Variants in RTN1 observed in about 807,000 individuals in gnomAD.
The protein encoded by RTN1 is reticulon-1.
Under a neutral mutation model 65.5 loss-of-function variants are expected in RTN1, and 25 were observed. The observed-to-expected ratio is 0.38, with a 90% CI of 0.28 to 0.53. The LOEUF is 0.53. Ranked by LOEUF, RTN1 falls within the 20% of genes least tolerant of loss-of-function variation. RTN1 has a pLI of 0.79. For missense variants in RTN1, 983 were observed against 1,025.4 expected (o/e 0.96, Z 0.57); for synonymous variants, 471 against 447.6 (o/e 1.05, Z -0.66).
chr14:59,799,339 CT>C (rs1185690208), intron 1 of RTN1, among the ~76,000 whole-genome samples: 2 of 152,264 alleles, frequency 1.3e-5, no homozygotes, highest in Non-Finnish European at 2.9e-5. Context: ...AAGTGGAAAG[CT>C]TCAGGAGAAC....
intron 3 of RTN1, among the ~76,000 whole-genome samples, chr14:59,663,646 A>ACAATC (rs1555354197): frequency 2.0e-5 from 3 of 151,520 alleles, no homozygotes; most frequent in African/African-American, 7.3e-5. Flanking sequence ...GAAAAAAAAA[A>ACAATC]CCATCAAAAA....
At chr14:59,732,428 T>C (rs986468776) in intron 2 of RTN1, among the ~76,000 whole-genome samples, 2 of 152,132 alleles carry the variant, frequency 1.3e-5, no homozygotes, top group Non-Finnish European at 2.9e-5. Context: ...CCCACTGGGA[T>C]TGATTGGGGA....
intron 3 of RTN1, among the ~76,000 whole-genome samples, chr14:59,703,962 A>G (rs1210535407): frequency 6.6e-6 from 1 of 152,214 alleles, no homozygotes; most frequent in Non-Finnish European, 1.5e-5. Context: ...TCCTGGAAAA[A>G]CAAAGGTGAT....
intron 3 of RTN1, among the ~76,000 whole-genome samples, chr14:59,674,486 C>T (rs148337101): frequency 7.2e-5 from 11 of 152,282 alleles, no homozygotes; most frequent in African/African-American, 1.2e-4. Context: ...TTAAGAAGCA[C>T]GGAGTTGGAG....
chr14:59,626,269 G>A (rs567682825), intron 3 of RTN1, among the ~76,000 whole-genome samples: 127 of 152,194 alleles, frequency 8.3e-4, no homozygotes, highest in Non-Finnish European at 1.5e-3. Flanking sequence ...GTGTTTCCAC[G>A]AACACTGTAG....
At chr14:59,750,091 AT>A (rs1885420058) in intron 1 of RTN1, among the ~76,000 whole-genome samples, 1 of 57,908 alleles carries the variant, frequency 1.7e-5, no homozygotes, top group African/African-American at 1.1e-4. Context: ...ATAGACATAT[AT>A]ATTATATATT....
At chr14:59,716,520 G>A (rs1281102700) in intron 3 of RTN1, among the ~76,000 whole-genome samples, 1 of 152,158 alleles carries the variant, frequency 6.6e-6, no homozygotes, top group African/African-American at 2.4e-5. Flanking sequence ...CTCTGTCTTT[G>A]TGCTTGTTTC....
chr14:59,684,452 G>T (rs890601286), intron 3 of RTN1, among the ~76,000 whole-genome samples: 4 of 151,908 alleles, frequency 2.6e-5, no homozygotes, highest in Non-Finnish European at 5.9e-5. Flanking sequence ...GTATTATCAT[G>T]ACTTAGATAT....
At chr14:59,785,750 T>C (rs1886239085) in intron 1 of RTN1, among the ~76,000 whole-genome samples, 1 of 152,174 alleles carries the variant, frequency 6.6e-6, no homozygotes, top group Non-Finnish European at 1.5e-5. Flanking sequence ...TGGAATTATA[T>C]TTCCCCAGAG....
chr14:59,607,237 TA>T, intron 4 of RTN1, 47 bp downstream of exon 4: 1 of 1,551,350 alleles, frequency 6.4e-7, no homozygotes, highest in Non-Finnish European at 8.9e-7. Flanking sequence ...CAGGTGAGGG[TA>T]AAAGCCCCTG....
intron 1 of RTN1, among the ~76,000 whole-genome samples, chr14:59,777,336 C>T (rs539219029): frequency 1.8e-4 from 28 of 152,058 alleles, no homozygotes; most frequent in South Asian, 2.1e-4. Flanking sequence ...GACTTTGTAC[C>T]CCTCAACACT....
intron 3 of RTN1, chr14:59,630,472 C>A: frequency 6.2e-7 from 1 of 1,613,930 alleles, no homozygotes; most frequent in South Asian, 1.1e-5. Context: ...GCTCCACACA[C>A]AGTCCATCTT....
intron 1 of RTN1, among the ~76,000 whole-genome samples, chr14:59,753,911 T>TA (rs1331414273): frequency 2.0e-5 from 3 of 152,186 alleles, no homozygotes; most frequent in Non-Finnish European, 2.9e-5. Context: ...TCCACAGCTG[T>TA]TTCCTGGACC....
rs76564515 is a variant in RTN1, at chr14:59,842,135, T to A, written c.241+28255A>T. 3.4e-3 allele frequency among the ~76,000 whole-genome samples: 512 copies of A among 149,910 alleles called. 19 individuals are homozygous for A. In the East Asian group the frequency reaches 0.059, roughly 17 times the overall value. ...AGCAAGACTCCATTCTTGAAAAAAA[T>A]TTTAAAAAAGAAAAAAAAAAAAGAA... On this transcript the variant is annotated intron_variant, in intron 1 of 8. Coordinates refer to ENST00000267484, the MANE Select transcript of RTN1 (RefSeq NM_021136.3).
chr14:59,604,040 C>A, intron 5 of RTN1, 119 bp from the exon 6 acceptor site: 2 of 646,208 alleles, frequency 3.1e-6, no homozygotes, highest in Admixed American at 2.3e-5. Context: ...TTTCGATAGT[C>A]AATGAAAGGC....
intron 2 of RTN1, among the ~76,000 whole-genome samples, chr14:59,728,370 T>C (rs755316555): frequency 4.6e-5 from 7 of 150,594 alleles, no homozygotes; most frequent in Non-Finnish European, 8.9e-5. Context: ...AGGCTTTCCA[T>C]AGTGGCAGCC....
intron 3 of RTN1, among the ~76,000 whole-genome samples, chr14:59,711,403 T>C (rs1302536896): frequency 6.6e-6 from 1 of 152,244 alleles, no homozygotes; most frequent in East Asian, 1.9e-4. Flanking sequence ...GAGAGATAAA[T>C]GCTCTTCGTG....
chr14:59,749,620 G>T (rs1223447989), intron 1 of RTN1, among the ~76,000 whole-genome samples: 85 of 20,878 alleles, frequency 4.1e-3, no homozygotes, highest in East Asian at 0.013. Context: ...TATTTATATA[G>T]ATATCTATAT....
chr14:59,629,790 C>A (rs906494089), intron 3 of RTN1, among the ~76,000 whole-genome samples: 1 of 152,170 alleles, frequency 6.6e-6, no homozygotes, highest in African/African-American at 2.4e-5. Context: ...GGCACTGTTT[C>A]GTTCTTTCCC....
Sources: allele counts gnomAD v4.1 joint callset (sites outside exome capture counted in the v4.1 genomes callset), GRCh38; gene constraint gnomAD v4.1.1; transcripts MANE v1.5; gene names NCBI Gene and HGNC (gene_info 2026-07-23, HGNC 2026-07-21).